Variants in PRKG1 observed in about 807,000 individuals in gnomAD.
PRKG1 encodes the protein cGMP-dependent protein kinase 1.
Under a neutral mutation model 88.1 loss-of-function variants are expected in PRKG1, and 35 were observed. That is an observed-to-expected ratio of 0.40 (90% CI 0.30 to 0.53). PRKG1 has a LOEUF of 0.53. Among genes scored for constraint, PRKG1 ranks in the 20% least tolerant of loss-of-function variants. The probability of loss-of-function intolerance (pLI) is 0.59; values close to 1 mark genes in which losing one functional copy is unlikely to be tolerated. For synonymous variants in PRKG1, 303 were observed against 292.5 expected (o/e 1.04, Z -0.37); for missense variants, 540 against 839.8 (o/e 0.64, Z 4.41).
At chr10:51,609,390 A>T (rs1401481725) in intron 3 of PRKG1, among the ~76,000 whole-genome samples, 1 of 152,144 alleles carries the variant, frequency 6.6e-6, no homozygotes, top group Non-Finnish European at 1.5e-5. Flanking sequence ...ACTTTTGGTG[A>T]GAATGTAAAT....
intron 5 of PRKG1, among the ~76,000 whole-genome samples, chr10:51,940,903 G>C (rs1455353620): frequency 6.6e-6 from 1 of 151,910 alleles, no homozygotes; most frequent in African/African-American, 2.4e-5. Context: ...TATGATGAAA[G>C]TGAGAGATAG....
chr10:51,020,938 A>G (rs1463473042), intron 1 of PRKG1, among the ~76,000 whole-genome samples: 1 of 152,196 alleles, frequency 6.6e-6, no homozygotes, highest in Non-Finnish European at 1.5e-5. Flanking sequence ...TAGTAAGACC[A>G]TCTTTGGAAT....
At chr10:51,461,122 A>G (rs185212582) in intron 2 of PRKG1, among the ~76,000 whole-genome samples, 32 of 152,300 alleles carry the variant, frequency 2.1e-4, no homozygotes, top group African/African-American at 7.5e-4. Flanking sequence ...GTTGTAATTT[A>G]GTATAACGAA....
chr10:51,749,130 C>T (rs566009071), intron 3 of PRKG1, among the ~76,000 whole-genome samples: 1 of 152,308 alleles, frequency 6.6e-6, no homozygotes, highest in East Asian at 1.9e-4. Flanking sequence ...GTGAAACATA[C>T]ATACACTACA....
At chr10:51,179,604 A>G (rs1308672542) in intron 2 of PRKG1, among the ~76,000 whole-genome samples, 2 of 152,242 alleles carry the variant, frequency 1.3e-5, no homozygotes, top group Non-Finnish European at 2.9e-5. Context: ...TAATCATGTG[A>G]TAATAGATTG....
chr10:51,215,520 AG>A (rs1238203414), intron 2 of PRKG1, among the ~76,000 whole-genome samples: 1 of 152,150 alleles, frequency 6.6e-6, no homozygotes, highest in East Asian at 1.9e-4. Flanking sequence ...ATAGAAACTG[AG>A]GGGCAAGCTT....
At chr10:51,974,019 C>G (rs992111102) in intron 5 of PRKG1, among the ~76,000 whole-genome samples, 1 of 152,148 alleles carries the variant, frequency 6.6e-6, no homozygotes, top group Admixed American at 6.6e-5. Flanking sequence ...TACATTCATT[C>G]ATTTCCACAT....
intron 2 of PRKG1, among the ~76,000 whole-genome samples, chr10:51,225,341 C>T (rs1838664250): frequency 6.6e-6 from 1 of 152,170 alleles, no homozygotes; most frequent in Non-Finnish European, 1.5e-5. Flanking sequence ...GACCCTGCCT[C>T]CTAATCCCAT....
intron 1 of PRKG1, among the ~76,000 whole-genome samples, chr10:51,010,319 G>A (rs1422634596): frequency 6.6e-6 from 1 of 152,214 alleles, no homozygotes; most frequent in Non-Finnish European, 1.5e-5. Context: ...ATGCTGTGAG[G>A]ATTGCTTATT....
intron 1 of PRKG1, among the ~76,000 whole-genome samples, chr10:51,107,653 A>G (rs1844871567): frequency 6.6e-6 from 1 of 151,772 alleles, no homozygotes; most frequent in Non-Finnish European, 1.5e-5. Context: ...GTGAGACCCC[A>G]TATCTACAAA....
At chr10:52,172,825 TAG>T (rs1838744545) in intron 9 of PRKG1, among the ~76,000 whole-genome samples, 1 of 147,564 alleles carries the variant, frequency 6.8e-6, no homozygotes, top group African/African-American at 2.7e-5. Context: ...ACATAGTGAG[TAG>T]TAGTAGTAAC....
At chr10:52,188,946 G>A (rs994550124) in intron 9 of PRKG1, among the ~76,000 whole-genome samples, 9 of 152,068 alleles carry the variant, frequency 5.9e-5, no homozygotes, top group Non-Finnish European at 8.8e-5. Context: ...CAGAGAATAC[G>A]AAACCCAAGT....
intron 3 of PRKG1, among the ~76,000 whole-genome samples, chr10:51,651,110 A>G (rs1840028112): frequency 6.6e-6 from 1 of 152,176 alleles, no homozygotes; most frequent in Admixed American, 6.5e-5. Flanking sequence ...CCTTGAAACT[A>G]AGAATCAAAC....
At chr10:51,160,745 T>C (rs897658045) in intron 2 of PRKG1, among the ~76,000 whole-genome samples, 1 of 152,222 alleles carries the variant, frequency 6.6e-6, no homozygotes, top group African/African-American at 2.4e-5. Context: ...TTTTTTACTG[T>C]TGGGGGGACA....
chr10:51,052,613 C>T (rs868719827), intron 1 of PRKG1, among the ~76,000 whole-genome samples: 4 of 152,170 alleles, frequency 2.6e-5, no homozygotes, highest in South Asian at 2.1e-4. Flanking sequence ...GTAAGCACAA[C>T]TTTGTTTCGT....
chr10:51,745,870 G>A (rs988110701), intron 3 of PRKG1, among the ~76,000 whole-genome samples: 1 of 151,896 alleles, frequency 6.6e-6, no homozygotes, highest in Non-Finnish European at 1.5e-5. Flanking sequence ...AATACACAGG[G>A]GTCTCATGAT....
intron 10 of PRKG1, among the ~76,000 whole-genome samples, chr10:52,266,349 C>T (rs1841569432): frequency 6.6e-6 from 1 of 151,934 alleles, no homozygotes; most frequent in South Asian, 2.1e-4. Flanking sequence ...AGTTATTTCT[C>T]CTGATGCTCT....
At chr10:51,541,963 A>C (rs1842314661) in intron 3 of PRKG1, among the ~76,000 whole-genome samples, 2 of 152,146 alleles carry the variant, frequency 1.3e-5, no homozygotes, top group Admixed American at 6.6e-5. Context: ...TATCTTGCCA[A>C]ACTTCTTGTG....
At chr10:51,089,137 T>C (rs1473897726) in intron 1 of PRKG1, among the ~76,000 whole-genome samples, 1 of 152,184 alleles carries the variant, frequency 6.6e-6, no homozygotes, top group Non-Finnish European at 1.5e-5. Flanking sequence ...TCTTTCTAGT[T>C]TGAATAATCT....
Sources: gnomAD v4.1 joint callset for allele counts (sites outside exome capture counted in the v4.1 genomes callset) on GRCh38, gnomAD v4.1.1 for gene constraint, MANE v1.5 for transcripts, NCBI Gene and HGNC (gene_info 2026-07-23, HGNC 2026-07-21) for gene names.